The following SPG7 variants were observed in gnomAD, a reference collection of about 807,000 sequenced individuals.
SPG7 encodes SPG7 matrix AAA peptidase subunit, paraplegin, also known as mitochondrial inner membrane m-AAA protease component paraplegin.
In SPG7, 103 loss-of-function variants were observed where a neutral mutation model predicts 81.9. The observed-to-expected ratio is 1.26, with a 90% confidence interval of 1.07 to 1.48. The LOEUF (loss-of-function observed/expected upper bound fraction) is 1.48. Ranked by LOEUF, SPG7 falls within the 40% of genes most tolerant of loss-of-function variation. The pLI, the probability that SPG7 is intolerant of heterozygous loss-of-function variation, is 0.00. For synonymous variants in SPG7, 534 were observed against 444.2 expected, an observed-to-expected ratio of 1.20 and a Z score of -2.54; for missense variants, 1,241 against 1,087.3, an observed-to-expected ratio of 1.14 and a Z score of -1.99.
At chr16:89,548,173 C>G (rs2058589628) in intron 12 of SPG7, 60 bp downstream of exon 12, 4 of 1,197,258 alleles carry the variant, frequency 3.3e-6, no homozygotes, top group Non-Finnish European at 4.9e-6. Flanking sequence ...CCCAGAAATA[C>G]CCAGGCAGGT....
At chr16:89,554,037 G>C (rs1473420423) in intron 15 of SPG7, 77 bp downstream of exon 15, 1 of 1,505,430 alleles carries the variant, frequency 6.6e-7, no homozygotes, top group African/African-American at 1.4e-5. Context: ...CACAAGGGTC[G>C]CCCACGGCCG....
chr16:89,537,818 C>T, intron 9 of SPG7: 1 of 973,478 alleles, frequency 1.0e-6, no homozygotes, highest in Non-Finnish European at 1.2e-6. Flanking sequence ...GTCCTGGTCC[C>T]AGTGTGACCC....
chr16:89,509,277 CAG>C (rs1308041740), intron 1 of SPG7, among the ~76,000 whole-genome samples: 6 of 152,092 alleles, frequency 3.9e-5, no homozygotes, highest in Non-Finnish European at 5.9e-5. Context: ...ATTTTTGAGA[CAG>C]AGATCTCGCT....
At chr16:89,544,237 A>G (rs532709164) in intron 9 of SPG7, 60 of 299,500 alleles carry the variant, frequency 2.0e-4, no homozygotes, top group African/African-American at 1.3e-3. Flanking sequence ...CAGACGTTGA[A>G]GATAAAATGT....
intron 16 of SPG7, chr16:89,554,912 A>ATT: frequency 4.1e-6 from 1 of 243,360 alleles, no homozygotes; most frequent in Non-Finnish European, 8.1e-6. Flanking sequence ...TAGAGTAGGA[A>ATT]TTTTTTTTTC....
In SPG7 at chr16:89,532,441, G is replaced by C. The variant is rs760530330; in HGVS notation, c.1151-22G>C. Reference sequence around the variant, plus strand: ...GTTTTTTATTAACTGCCCATTTCCTGATTCTCTCTGTGTCCCCTCAGGCCT... The same window carrying C: ...GTTTTTTATTAACTGCCCATTTCCTCATTCTCTCTGTGTCCCCTCAGGCCT... On this transcript the variant is annotated intron_variant, in intron 8 of 16. Transcript: ENST00000645818. 5.6e-6 allele frequency: 9 copies of C among 1,613,042 alleles called. No homozygotes were observed. In the Admixed American group the frequency reaches 8.3e-5, roughly 15 times the overall value.
At chr16:89,510,740 C>T in intron 2 of SPG7, 148 bp downstream of exon 2, 3 of 681,096 alleles carry the variant, frequency 4.4e-6, no homozygotes, top group Non-Finnish European at 5.3e-6. Flanking sequence ...TCAGAGCTCA[C>T]TACAGCCTAG....
chr16:89,554,408 C>T, intron 15 of SPG7, 78 bp from the exon 16 acceptor site: 2 of 964,588 alleles, frequency 2.1e-6, no homozygotes, highest in East Asian at 2.6e-5. Context: ...TGTTCCCAGT[C>T]TGCCATTTCT....
chr16:89,546,239 G>A (rs1392353025), intron 10 of SPG7: 12 of 313,244 alleles, frequency 3.8e-5, no homozygotes, highest in Non-Finnish European at 5.6e-5. Context: ...GGCACCCGCC[G>A]TCTTGCCTGG....
rs150224765 is a variant in SPG7, at chr16:89,539,468, C to T, written c.1325-5180C>T. 2.6e-3 allele frequency: 397 copies of T among 152,420 alleles called. 1 individual carries two copies. The highest frequency in any genetic ancestry group is 9.1e-3 in the African/African-American group (379 of 41,544). The allele number at this position is 152,420 out of a possible 1,614,324, so 9.4% of individuals were successfully genotyped here. On this transcript the variant is annotated intron_variant, in intron 9 of 16. Coordinates refer to ENST00000645818, the MANE Select transcript of SPG7 (RefSeq NM_003119.4). ...GAGCCAAGATCGCACCATTGCACTCCAGCCTGGGCAAAAAAGAGCGAAACT... is the reference window on the plus strand; with the variant it reads ...GAGCCAAGATCGCACCATTGCACTCTAGCCTGGGCAAAAAAGAGCGAAACT...
Position 89,523,914 on chromosome 16 carries a change from G to A in SPG7, c.377-92G>A, listed in dbSNP as rs760263527. 3.4e-5 allele frequency: 53 copies of A among 1,545,100 alleles called. No individual in the cohort carries two copies. The African/African-American group carries it at 3.7e-4, about 11-fold the overall frequency. The stretch of plus-strand genomic sequence containing the variant: ...TCTGTGCAGGACGCTGCCCCTCCCC[G>A]TCCAGCTGAGCTTTCCTGAGGAAGC... On this transcript the variant is annotated intron_variant, in intron 3 of 16. Coordinates refer to ENST00000645818, the MANE Select transcript of SPG7 (RefSeq NM_003119.4).
rs1473226077 is a variant in SPG7, at chr16:89,548,012, T to C, written c.1562T>C (p.Ile521Thr). 1 of 1,612,784 alleles carries C rather than the reference T, an allele frequency of 6.2e-7. No homozygotes were observed. Among genetic ancestry groups the C allele is most frequent in the Admixed American group, 1.7e-5 (1 of 60,026 alleles). Residue 521 changes from isoleucine (I) to threonine (T), a missense_variant, in exon 12 of 17, where the codon ATC becomes ACC. Coordinates refer to ENST00000645818, the MANE Select transcript of SPG7 (RefSeq NM_003119.4). ...CTGTTTGTGTTGACAGGGGCTGACA[T>C]CGCCAACATCTGCAATGAGGCTGCG... ...ELTPGFSGAD[I>T]ANICNEAALH...
At position 89,532,042 on chromosome 16, in the gene SPG7, C is replaced by G; in HGVS notation, c.1126C>G (p.Pro376Ala). 6.2e-7 allele frequency: 1 copy of G among 1,613,012 alleles called. No homozygotes were observed. The highest frequency in any genetic ancestry group is 8.5e-7 in the Non-Finnish European group (1 of 1,179,962). ...GGTGCCCTTCCTGGCGATGGCCGGC[C>G]CAGAGTTCGTGGAGGTCATTGGAGG... ...AQVPFLAMAG[P>A]EFVEVIGGLG... The change falls in exon 8 of 17, where the codon CCA (proline) becomes GCA (alanine). Residue 376 changes from proline (P) to alanine (A), a missense_variant. Transcript: ENST00000645818.
intron 4 of SPG7, 138 bp from the exon 5 acceptor site, chr16:89,526,191 C>T (rs2058257679): frequency 2.0e-6 from 2 of 994,968 alleles, no homozygotes; most frequent in African/African-American, 3.2e-5. Flanking sequence ...TAGGAATCAC[C>T]TCTAGTTTCT....
At chr16:89,555,726 G>A in intron 16 of SPG7, 2 of 397,632 alleles carry the variant, frequency 5.0e-6, no homozygotes, top group East Asian at 7.1e-5. Flanking sequence ...TCTCACAGTG[G>A]GCAGAGCTGG....
intron 9 of SPG7, chr16:89,536,820 G>T: frequency 6.2e-7 from 1 of 1,614,180 alleles, no homozygotes; most frequent in Non-Finnish European, 8.5e-7. Context: ...TCAGAGGAAA[G>T]ACCCCCGCCT....
In SPG7 at chr16:89,553,023, G is replaced by C. The variant is rs2058651348; in HGVS notation, c.1824G>C (p.Gln608His). The C allele has an allele frequency of 3.1e-6, 5 of 1,614,010 alleles. No homozygotes were observed. Among genetic ancestry groups the C allele is most frequent in the Non-Finnish European group, 4.2e-6 (5 of 1,179,940 alleles). Reference protein sequence around the residue: ...PRTNAALGFAQMLPRDQHLFT... With the variant: ...PRTNAALGFAHMLPRDQHLFT... ...CAAACGCCGCCCTGGGCTTTGCTCA[G>C]ATGCTCCCCAGAGACCAGCACCTCT... is the stretch of plus-strand genomic sequence containing the variant. Residue 608 changes from glutamine to histidine, a missense_variant, in exon 14 of 17, where the codon CAG becomes CAC. Transcript: ENST00000645818.
At chr16:89,518,783 G>C (rs1463646111) in intron 3 of SPG7, 1 of 152,136 alleles carries the variant, frequency 6.6e-6, no homozygotes, top group African/African-American at 2.4e-5. Flanking sequence ...AAGGATGGGG[G>C]AAGGAGACAG....
At chr16:89,532,340 T>G in intron 8 of SPG7, 123 bp from the exon 9 acceptor site, 2 of 1,254,720 alleles carry the variant, frequency 1.6e-6, no homozygotes, top group Non-Finnish European at 2.3e-6. Flanking sequence ...TGTGTCTGTT[T>G]GTAGGGAATG....
Sources: gnomAD v4.1 joint callset for allele counts (sites outside exome capture counted in the v4.1 genomes callset) on GRCh38, gnomAD v4.1.1 for gene constraint, MANE v1.5 for transcripts, NCBI Gene and HGNC (gene_info 2026-07-23, HGNC 2026-07-21) for gene names.